SLC12A9: variants seen among roughly 807,000 people sequenced by gnomAD.
The protein encoded by SLC12A9 is CCC-interacting protein 1.
Under a neutral mutation model 66.0 loss-of-function variants are expected in SLC12A9, and 55 were observed. The ratio of observed to expected loss-of-function variants is 0.83; its 90% confidence interval spans 0.67 to 1.04. The LOEUF is 1.04. SLC12A9 is among the 50% of genes least tolerant of loss of function. The pLI, the probability that SLC12A9 is intolerant of heterozygous loss-of-function variation, is 0.00. For synonymous variants in SLC12A9, 577 were observed against 569.0 expected, an observed-to-expected ratio of 1.01 and a Z score of -0.20; for missense variants, 1,061 against 1,241.9, an observed-to-expected ratio of 0.85 and a Z score of 2.19.
At chr7:100,828,419 A>G (rs1046787819) in intron 1 of SLC12A9, among the ~76,000 whole-genome samples, 6 of 151,758 alleles carry the variant, frequency 4.0e-5, no homozygotes, top group Non-Finnish European at 5.9e-5. Flanking sequence ...CGCGCCTGTA[A>G]TCCTAGCTAC....
chr7:100,830,893 G>T (rs1195288036), intron 1 of SLC12A9, among the ~76,000 whole-genome samples: 1 of 151,804 alleles, frequency 6.6e-6, no homozygotes, highest in Non-Finnish European at 1.5e-5. Flanking sequence ...TCCACCCTTA[G>T]ACCACCCAGA....
intron 3 of SLC12A9, 32 bp from the exon 4 acceptor site, chr7:100,855,674 C>T (rs1358694315): frequency 6.2e-7 from 1 of 1,613,590 alleles, no homozygotes; most frequent in African/African-American, 1.3e-5. Context: ...TCAGTCTTTT[C>T]CCTTAATGCT....
At chr7:100,865,397 C>G in intron 13 of SLC12A9, 5 of 1,536,094 alleles carry the variant, frequency 3.3e-6, no homozygotes, top group Non-Finnish European at 4.4e-6. Context: ...ACAGATGCCC[C>G]GCTAGAAGCC....
chr7:100,861,194 C>T lies in SLC12A9; in HGVS notation c.1275C>T (p.Tyr425=). The T allele has an allele frequency of 1.9e-6, 3 of 1,614,226 alleles. No homozygotes were observed. Among genetic ancestry groups the T allele is most frequent in the Non-Finnish European group, 8.5e-7 (1 of 1,180,028 alleles). ...TGGCTGCTGTGGTCACTGTCTTCTA[C>T]CTGGTGGCCTATGCTGCCGTGGACC... ...NTLAAVVTVF[Y]LVAYAAVDLS... The change falls in exon 10 of 14, where the codon TAC becomes TAT. Residue 425 remains tyrosine (Y), a synonymous_variant. Transcript: ENST00000354161. This position sits in a 1 kb window ranked among gnomAD's most constrained non-coding sequence, Gnocchi z 5.3.
At chr7:100,827,402 C>T (rs1282014332) in intron 1 of SLC12A9, 1 of 150,446 alleles carries the variant, frequency 6.6e-6, no homozygotes, top group Non-Finnish European at 1.5e-5. Flanking sequence ...GCCGCCGGGC[C>T]GAGTGCTCTC....
chr7:100,848,932 GAA>G (rs1484258419), upstream of SLC12A9, among the ~76,000 whole-genome samples: 1 of 148,252 alleles, frequency 6.7e-6, no homozygotes, highest in East Asian at 2.0e-4. Context: ...AAGAAAGAAA[GAA>G]AGAGCTAGGA....
rs191644024 is a variant in SLC12A9 at position 100,844,088 on chromosome 7, C to T, written n.229-15797C>T. Among the ~76,000 whole-genome samples the T allele has an allele frequency of 1.3e-3, 205 of 152,308 alleles. 8 individuals are homozygous for T. Among genetic ancestry groups the T allele is most frequent in the Admixed American group, 0.012 (187 of 15,290 alleles). ...AAAACTCATCGCAGGACTCATTTGC[C>T]TTAAAATTTGGAATTTTACAGTAAG... On this transcript the variant is annotated intron_variant and non_coding_transcript_variant, in intron 1 of 1. Coordinates refer to the SLC12A9 transcript ENST00000461016.
At position 100,861,375 on chromosome 7, in the gene SLC12A9, C is replaced by T; in HGVS notation, c.1344-17C>T. 6.2e-7 allele frequency: 1 copy of T among 1,612,526 alleles called. No individual in the cohort carries two copies. The highest frequency in any genetic ancestry group is 1.1e-5 in the South Asian group (1 of 91,052). On this transcript the variant is annotated splice_polypyrimidine_tract_variant and intron_variant, in intron 10 of 13. Transcript: ENST00000354161. The surrounding 1 kb of genome is among the most constrained non-coding windows in gnomAD (Gnocchi z 5.3). ...CCTGCCCTGAGTTTCTGTCCCTCCT[C>T]CCCTCCATGCCCGCAGCCCCACCTT... is the stretch of plus-strand genomic sequence containing the variant.
At chr7:100,862,966 A>C (rs1158797948) in intron 13 of SLC12A9, 139 bp downstream of exon 13, 1 of 1,021,660 alleles carries the variant, frequency 9.8e-7, no homozygotes, top group East Asian at 2.5e-5. Context: ...ACAGTGCTCA[A>C]AGATAATAGC....
chr7:100,865,815 A>G lies in SLC12A9; in HGVS notation c.1955A>G (p.Asp652Gly). 6.2e-7 allele frequency: 1 copy of G among 1,613,974 alleles called. No individual in the cohort carries two copies. Among genetic ancestry groups the G allele is most frequent in the Non-Finnish European group, 8.5e-7 (1 of 1,180,026 alleles). ...LTDPAFSEPADSTREGSSPAL... is the reference protein window; with the variant it reads ...LTDPAFSEPAGSTREGSSPAL... ...GACCCGGCTTTCTCTGAGCCTGCAG[A>G]CAGCACCAGGGAGGGCAGTTCCCCA... Residue 652 changes from aspartate (D) to glycine (G), a missense_variant, in exon 14 of 14, where the codon GAC becomes GGC. Coordinates refer to ENST00000354161, the MANE Select transcript of SLC12A9 (RefSeq NM_020246.4).
At position 100,856,476 on chromosome 7, in the gene SLC12A9, G is replaced by A. The variant is rs1246305989; in HGVS notation, c.449-392G>A. The A allele has an allele frequency of 2.3e-5, 4 of 173,842 alleles. No homozygotes were observed. In the East Asian group the frequency reaches 4.8e-4, roughly 21 times the overall value. The allele number at this position is 173,842 out of a possible 1,614,324, so 10.8% of individuals were successfully genotyped here. A position where few individuals can be genotyped will look rare whatever the true frequency, so the allele number is the denominator to read the frequency against. On this transcript the variant is annotated intron_variant, in intron 4 of 13. Transcript: ENST00000354161. The stretch of plus-strand genomic sequence containing the variant: ...ACCTGCCTCAGCTTCCCAAAGTGTT[G>A]GGATTACAGGCGTGAGCCCCGGCGC...
rs757831309 is a variant in SLC12A9 at position 100,866,550 on chromosome 7, TG to T, written c.2693del (p.Gly898AlafsTer26). 6.3e-7 allele frequency: 1 copy of T among 1,587,288 alleles called. No individual in the cohort carries two copies. Among genetic ancestry groups the T allele is most frequent in the South Asian group, 1.1e-5 (1 of 87,098 alleles). On this transcript the variant is annotated frameshift_variant, in exon 14 of 14. Transcript: ENST00000354161. LOFTEE classifies it high-confidence loss of function. The surrounding 1 kb of genome is among the most constrained non-coding windows in gnomAD (Gnocchi z 7.3). ...LALLETLTRD[L>X]GPTLLVHGVT... ...CTACTGGAGACTCTAACCCGAGACC[TG>T]GGCCCCACGCTGCTGGTTCATGGGG...
chr7:100,861,626 C>A lies in SLC12A9; in HGVS notation c.1536+42C>A. ...GGGCGGTGGGGAAATGGGAGGTGGTCAAAGAACCCCCTCTCTCTTTGGCTG... is the reference window on the plus strand; with the variant it reads ...GGGCGGTGGGGAAATGGGAGGTGGTAAAAGAACCCCCTCTCTCTTTGGCTG... On this transcript the variant is annotated intron_variant, in intron 11 of 13. Transcript: ENST00000354161. The surrounding 1 kb of genome is among the most constrained non-coding windows in gnomAD (Gnocchi z 5.3). 6.2e-7 allele frequency: 1 copy of A among 1,606,030 alleles called. No individual in the cohort carries two copies. Among genetic ancestry groups the A allele is most frequent in the South Asian group, 1.1e-5 (1 of 90,824 alleles).
chr7:100,828,634 TCTCA>T (rs1163721491), intron 1 of SLC12A9, among the ~76,000 whole-genome samples: 1 of 143,618 alleles, frequency 7.0e-6, no homozygotes, highest in African/African-American at 2.8e-5. Flanking sequence ...CCCTTCTCAC[TCTCA>T]CTCTCGTGTT....
chr7:100,854,874 T>A, intron 3 of SLC12A9, 120 bp downstream of exon 3: 1 of 1,407,394 alleles, frequency 7.1e-7, no homozygotes, highest in African/African-American at 1.4e-5. Context: ...ATTCTTAAAA[T>A]TTTTTTAGGC....
At chr7:100,851,872 A>G (rs535218908), upstream of SLC12A9, among the ~76,000 whole-genome samples, 4 of 151,316 alleles carry the variant, frequency 2.6e-5, 1 homozygote, top group South Asian at 8.4e-4. Flanking sequence ...AGCGGTACCT[A>G]CCTCACAGAG....
At chr7:100,864,546 T>G (rs1454803617) in intron 13 of SLC12A9, among the ~76,000 whole-genome samples, 3 of 152,212 alleles carry the variant, frequency 2.0e-5, no homozygotes, top group Non-Finnish European at 4.4e-5. Context: ...TCAGCAATTA[T>G]CCGATTCCAC....
At chr7:100,831,541 G>A (rs1036102036) in intron 1 of SLC12A9, among the ~76,000 whole-genome samples, 1 of 152,066 alleles carries the variant, frequency 6.6e-6, no homozygotes, top group Non-Finnish European at 1.5e-5. Context: ...GCAGTGGCAC[G>A]GTCATGGCTC....
At chr7:100,863,885 CTAGTT>C (rs1409457515) in intron 13 of SLC12A9, among the ~76,000 whole-genome samples, 8 of 152,114 alleles carry the variant, frequency 5.3e-5, no homozygotes, top group Non-Finnish European at 1.0e-4. Flanking sequence ...GGGGGCATGA[CTAGTT>C]TATTTTGCAA....
Sources: allele counts gnomAD v4.1 joint callset (sites outside exome capture counted in the v4.1 genomes callset), GRCh38; gene constraint gnomAD v4.1.1; non-coding constraint Gnocchi (gnomAD v3.1); transcripts MANE v1.5; gene names NCBI Gene and HGNC (gene_info 2026-07-23, HGNC 2026-07-21).